Variants in TONSL observed in about 807,000 individuals in gnomAD.
TONSL encodes the protein tonsoku like, DNA repair protein.
In TONSL, 112 loss-of-function variants were observed where a neutral mutation model predicts 147.1. That is an observed-to-expected ratio of 0.76 (90% CI 0.65 to 0.89). TONSL has a LOEUF of 0.89. Ranked by LOEUF, TONSL falls within the 40% of genes least tolerant of loss-of-function variation. The pLI, the probability that TONSL is intolerant of heterozygous loss-of-function variation, is 0.00. For synonymous variants in TONSL, 868 were observed against 801.5 expected, an observed-to-expected ratio of 1.08 and a Z score of -1.40; for missense variants, 1,883 against 1,864.6, an observed-to-expected ratio of 1.01 and a Z score of -0.18.
At chr8:144,443,093 C>A (rs572138803) in intron 4 of TONSL, 45 bp downstream of exon 4, 1 of 1,532,044 alleles carries the variant, frequency 6.5e-7, no homozygotes. Context: ...GCAGCCTCTT[C>A]GGCCCGAAGT....
chr8:144,443,777 T>TC, intron 3 of TONSL, 105 bp downstream of exon 3: 1 of 1,451,194 alleles, frequency 6.9e-7, no homozygotes, highest in Non-Finnish European at 9.2e-7. Context: ...AGGTCAGGTG[T>TC]CCCCTCCAGC....
chr8:144,430,858 G>T (rs1178332904), intron 24 of TONSL, among the ~76,000 whole-genome samples: 1 of 152,228 alleles, frequency 6.6e-6, no homozygotes, highest in Non-Finnish European at 1.5e-5. Context: ...GACACCCCCG[G>T]AGGAGTGCTC....
At position 144,444,161 on chromosome 8, in the gene TONSL, T is replaced by C; in HGVS notation, c.121+19A>G. On this transcript the variant is annotated intron_variant, in intron 2 of 25. Coordinates refer to ENST00000409379, the MANE Select transcript of TONSL (RefSeq NM_013432.5). Reference sequence around the variant, plus strand: ...CCGGGCCCCGGCCCTGCCTCCCGCCTCCTGGTCCCGGCGCTCACCATGGCC... The same window carrying C: ...CCGGGCCCCGGCCCTGCCTCCCGCCCCCTGGTCCCGGCGCTCACCATGGCC... The C allele has an allele frequency of 7.1e-7, 1 of 1,418,300 alleles. No homozygotes were observed. The highest frequency in any genetic ancestry group is 9.2e-7 in the Non-Finnish European group (1 of 1,087,184). The allele number at this position is 1,418,300 out of a possible 1,614,324, so 87.9% of individuals were successfully genotyped here.
Position 144,443,891 on chromosome 8 carries a change from A to C in TONSL, c.255T>G (p.Ala85=). The change falls in exon 3 of 26, where the codon GCT becomes GCG. Residue 85 remains alanine (A), a synonymous_variant. Transcript: ENST00000409379. ...GTGAGGGCGCCCGCACCTGCAAGGC[A>C]GCCGGGTAGTCCTCCATCTCGGCCA... is the stretch of plus-strand genomic sequence containing the variant. The part of the protein sequence containing the change: ...ERLAEMEDYP[A]ALQHQHQYLE... 2 of 1,545,462 alleles carry C rather than the reference A, an allele frequency of 1.3e-6. No individual in the cohort carries two copies. The highest frequency in any genetic ancestry group is 2.7e-5 in the African/African-American group (2 of 73,156).
chr8:144,432,742 C>T (rs1823262823), intron 22 of TONSL: 2 of 321,042 alleles, frequency 6.2e-6, no homozygotes, highest in East Asian at 1.0e-4. Context: ...AGTGGGGGTG[C>T]CAGGGGAGTG....
intron 18 of TONSL, 80 bp from the exon 19 acceptor site, chr8:144,435,250 G>T (rs913449146): frequency 2.8e-6 from 4 of 1,430,494 alleles, no homozygotes; most frequent in Non-Finnish European, 3.7e-6. Flanking sequence ...CCTGCCCAGG[G>T]CCAGAAGCCC....
Position 144,435,040 on chromosome 8 carries a change from C to G in TONSL, c.2983G>C (p.Asp995His). The G allele has an allele frequency of 6.2e-7, 1 of 1,612,462 alleles. No homozygotes were observed. Residue 995 changes from aspartate (D) to histidine (H), a missense_variant, in exon 19 of 26, where the codon GAT becomes CAT. Transcript: ENST00000409379. ...ALLAPQDLIP[D>H]VLQSNDEVLA... ...ACCTCGTCATTGCTCTGCAGCACAT[C>G]AGGGATGAGGTCCTGTGGGGCCAGC... is the stretch of plus-strand genomic sequence containing the variant.
Position 144,444,389 on chromosome 8 carries a change from C to G in TONSL, c.25+1G>C, listed in dbSNP as rs1823830929. The G allele has an allele frequency of 1.6e-6, 2 of 1,272,008 alleles. No individual in the cohort carries two copies. Among genetic ancestry groups the G allele is most frequent in the Non-Finnish European group, 2.0e-6 (2 of 1,007,130 alleles). 78.8% of individuals were successfully genotyped at this position (1,272,008 alleles called of 1,614,324 possible). A position where few individuals can be genotyped will look rare whatever the true frequency, so the allele number is the denominator to read the frequency against. On this transcript the variant is annotated splice_donor_variant, in intron 1 of 25. Transcript: ENST00000409379. LOFTEE classifies it high-confidence loss of function. ...GAGGAAGGGGTCCCCGAGGAACTTA[C>G]GGCGAAGCTCGCGCTCCAGGCTCAT...
Position 144,443,946 on chromosome 8 carries a change from G to C in TONSL, c.200C>G (p.Ala67Gly). ...CTCTCCGATCTTGCGGTGGGCCACG[G>C]CACAGCCCAGAGGGTCGTCAGCGCG... ...RERADDPLGCAVAHRKIGERL... is the reference protein window; with the variant it reads ...RERADDPLGCGVAHRKIGERL... The change falls in exon 3 of 26, where the codon GCC becomes GGC. Residue 67 changes from alanine to glycine, a missense_variant. Ala to Gly is a moderately conservative substitution (Grantham distance 60). Coordinates refer to ENST00000409379, the MANE Select transcript of TONSL (RefSeq NM_013432.5). The C allele has an allele frequency of 6.5e-7, 1 of 1,543,648 alleles. No homozygotes were observed. Among genetic ancestry groups the C allele is most frequent in the Non-Finnish European group, 8.7e-7 (1 of 1,146,668 alleles).
chr8:144,429,382 G>A, intron 25 of TONSL, 46 bp from the exon 26 acceptor site: 1 of 1,353,310 alleles, frequency 7.4e-7, no homozygotes, highest in East Asian at 3.1e-5. Flanking sequence ...GGGGCCGGCG[G>A]CGTCCTGGTG....
chr8:144,436,806 G>A lies in TONSL; in HGVS notation c.1841C>T (p.Ala614Val), dbSNP rs1355152118. The change falls in exon 15 of 26, where the codon GCT (alanine) becomes GTT (valine). Residue 614 changes from alanine (A) to valine (V), a missense_variant. Ala to Val is a moderately conservative substitution (Grantham distance 64). Coordinates refer to ENST00000409379, the MANE Select transcript of TONSL (RefSeq NM_013432.5). ...CGCCCCCCGTTCAAGCAGCAGCTCA[G>A]CCACCTCGAAGTGGCCACAGTTGAG... ...DALNCGHFEV[A>V]ELLLERGASV... 1.2e-6 allele frequency: 2 copies of A among 1,611,448 alleles called. No homozygotes were observed. The highest frequency in any genetic ancestry group is 4.5e-5 in the East Asian group (2 of 44,884).
chr8:144,435,977 G>A lies in TONSL; in HGVS notation c.2456C>T (p.Ala819Val). 4 of 1,555,038 alleles carry A rather than the reference G, an allele frequency of 2.6e-6. No individual in the cohort carries two copies. Among genetic ancestry groups the A allele is most frequent in the Non-Finnish European group, 3.5e-6 (4 of 1,151,408 alleles). Residue 819 changes from alanine (A) to valine (V), a missense_variant, in exon 17 of 26, where the codon GCC becomes GTC. Transcript: ENST00000409379. Reference protein sequence around the residue: ...GPPRGHSKALAPQAALIPEEE... With the variant: ...GPPRGHSKALVPQAALIPEEE... ...CTCCGGGATGAGCGCTGCCTGGGGG[G>A]CAAGGGCTTTGCTGTGGCCCCGCGG...
At chr8:144,440,580 C>T in intron 9 of TONSL, 104 bp from the exon 10 acceptor site, 1 of 1,521,036 alleles carries the variant, frequency 6.6e-7, no homozygotes, top group African/African-American at 1.4e-5. Flanking sequence ...GCCCGGCCTC[C>T]CAGCTGCCGA....
chr8:144,441,303 A>C, intron 7 of TONSL, 192 bp from the exon 8 acceptor site: 1 of 802,892 alleles, frequency 1.2e-6, no homozygotes, highest in Non-Finnish European at 1.9e-6. Flanking sequence ...ACACACTTAA[A>C]AACTCGGGGC....
rs544190218 is a variant in TONSL, at chr8:144,436,218, T to A, written c.2215A>T (p.Ser739Cys). ...TCGCCTTCTGAGCTGCTGCTGCTGC[T>A]GGCTGGCCCATGCCTGCTCCTCCGA... is the stretch of plus-strand genomic sequence containing the variant. ...RPRRSRHGPA[S>C]SSSSSEGEDS... The change falls in exon 17 of 26, where the codon AGC becomes TGC. Residue 739 changes from serine to cysteine, a missense_variant. Transcript: ENST00000409379. The A allele has an allele frequency of 1.7e-5, 27 of 1,563,962 alleles. No individual in the cohort carries two copies. In the East Asian group the frequency reaches 2.7e-4, roughly 16 times the overall value.
At chr8:144,433,523 A>T (rs1034693480) in intron 22 of TONSL, 65 bp downstream of exon 22, 10 of 1,530,930 alleles carry the variant, frequency 6.5e-6, no homozygotes, top group Non-Finnish European at 8.9e-6. Flanking sequence ...GCCCCCTCTG[A>T]AAGTCCTGGA....
chr8:144,438,623 G>C (rs755160802), intron 12 of TONSL, 30 bp downstream of exon 12: 2 of 1,612,720 alleles, frequency 1.2e-6, no homozygotes, highest in South Asian at 2.2e-5. Context: ...CTGCTGAGCG[G>C]GGTGGGTGGG....
chr8:144,439,629 G>A (rs1458432327), intron 11 of TONSL, among the ~76,000 whole-genome samples: 3 of 152,216 alleles, frequency 2.0e-5, no homozygotes, highest in African/African-American at 7.2e-5. Context: ...CCTGCCCTCC[G>A]TGCAGCTGAT....
At position 144,438,446 on chromosome 8, in the gene TONSL, T is replaced by C. The variant is rs921792884; in HGVS notation, c.1653+25A>G. On this transcript the variant is annotated intron_variant, in intron 13 of 25. Coordinates refer to ENST00000409379, the MANE Select transcript of TONSL (RefSeq NM_013432.5). ...CAGCTCCTCCATGCTAGGCAGCCTG[T>C]CCCACGTCCCAGAGCGGGGCCCACC... 2.5e-6 allele frequency: 4 copies of C among 1,608,450 alleles called. No individual in the cohort carries two copies. In the African/African-American group the frequency reaches 5.3e-5, roughly 21 times the overall value.
Sources: allele counts gnomAD v4.1 joint callset (sites outside exome capture counted in the v4.1 genomes callset), GRCh38; gene constraint gnomAD v4.1.1; transcripts MANE v1.5; gene names NCBI Gene and HGNC (gene_info 2026-07-23, HGNC 2026-07-21).